Variants in ZNF534 observed in about 807,000 individuals in gnomAD.
ZNF534 encodes the protein KRAB domain only 3.
ZNF534 carries 19 observed loss-of-function variants against 13.6 expected under a neutral mutation model. The observed-to-expected ratio is 1.40, with a 90% CI of 0.97 to 2.05. The LOEUF (loss-of-function observed/expected upper bound fraction) is 2.05, where lower values mean the gene tolerates loss of function less well. Among genes scored for constraint, ZNF534 ranks in the 30% most tolerant of loss-of-function variants. The pLI, the probability that ZNF534 is intolerant of heterozygous loss-of-function variation, is 0.00. For missense variants in ZNF534, 782 were observed against 796.3 expected, an observed-to-expected ratio of 0.98 and a Z score of 0.22; for synonymous variants, 244 against 273.8, an observed-to-expected ratio of 0.89 and a Z score of 1.07.
intron 1 of ZNF534, 111 bp downstream of exon 1, chr19:52,429,355 A>T (rs1386014009): frequency 6.6e-6 from 1 of 151,632 alleles, no homozygotes; most frequent in Non-Finnish European, 1.5e-5. Context: ...CGCTCTATCC[A>T]CTCCAAGTAA....
chr19:52,434,093 G>A lies in ZNF534; in HGVS notation c.142+12G>A, dbSNP rs1372980990. 1.9e-6 allele frequency: 3 copies of A among 1,612,158 alleles called. No individual in the cohort carries two copies. The highest frequency in any genetic ancestry group is 4.5e-5 in the East Asian group (2 of 44,862). On this transcript the variant is annotated intron_variant, in intron 3 of 4. Coordinates refer to ENST00000433050, the MANE Select transcript of ZNF534 (RefSeq NM_001143938.3). Reference sequence around the variant, plus strand: ...CCTGGTCTCCCTAGGTGAGGATAATGTCCGTCCAGAAGCCTGCATCTGCTC... The same window carrying A: ...CCTGGTCTCCCTAGGTGAGGATAATATCCGTCCAGAAGCCTGCATCTGCTC...
intron 2 of ZNF534, among the ~76,000 whole-genome samples, chr19:52,433,212 C>A (rs1216508689): frequency 8.6e-6 from 1 of 116,542 alleles, no homozygotes; most frequent in African/African-American, 3.3e-5. Flanking sequence ...GCACTCCAGT[C>A]TGGGAAACAG....
chr19:52,437,241 C>T (rs1306298308), intron 4 of ZNF534, among the ~76,000 whole-genome samples: 4 of 152,170 alleles, frequency 2.6e-5, no homozygotes, highest in South Asian at 2.1e-4. Flanking sequence ...TCCCTTAATT[C>T]CCCTGACTCC....
At chr19:52,436,083 C>T (rs900321500) in intron 4 of ZNF534, among the ~76,000 whole-genome samples, 1 of 151,564 alleles carries the variant, frequency 6.6e-6, no homozygotes, top group African/African-American at 2.4e-5. Context: ...ACTACAGGCT[C>T]CCGCCACCAT....
At chr19:52,432,031 G>A (rs1349983382) in intron 2 of ZNF534, among the ~76,000 whole-genome samples, 1 of 151,468 alleles carries the variant, frequency 6.6e-6, no homozygotes, top group African/African-American at 2.4e-5. Flanking sequence ...CAAACCTATA[G>A]TTTTTATAAA....
downstream of ZNF534, among the ~76,000 whole-genome samples, chr19:52,443,918 T>A (rs146434941): frequency 1.8e-4 from 27 of 152,146 alleles, 1 homozygote; most frequent in East Asian, 5.2e-3. Flanking sequence ...CTGAAATTTC[T>A]CCCCTCATTT....
rs112933256 is a variant in ZNF534 at position 52,449,354 on chromosome 19, T to TTCTCTCTC, written c.272-1817_272-1810dup. 7.8e-3 allele frequency among the ~76,000 whole-genome samples: 1,149 copies of TTCTCTCTC among 146,592 alleles called. 14 individuals are homozygous for TTCTCTCTC. The highest frequency in any genetic ancestry group is 0.028 in the African/African-American group (1,110 of 39,988). ...TTTGATATCCGGATTTCCATCCTCATTCTCTCTCTCTCTCTCTCTCTCTTT... is the reference window on the plus strand; with the variant it reads ...TTTGATATCCGGATTTCCATCCTCATTCTCTCTCTCTCTCTCTCTCTCTCTCTCTCTTT... On this transcript the variant is annotated intron_variant, in intron 4 of 4. Transcript: ENST00000301085.
chr19:52,439,873 A>G lies in ZNF534; in HGVS notation c.*427A>G, dbSNP rs1344259886. ...CACCTGAGGTTAGAAGTTCGAGACC[A>G]GCCTGACCAACATGGAGAAACCCCA... is the stretch of plus-strand genomic sequence containing the variant. On this transcript the variant is annotated 3_prime_UTR_variant, in exon 5 of 5. Transcript: ENST00000433050. Among the ~76,000 whole-genome samples, 1 of 152,130 alleles carries G rather than the reference A, an allele frequency of 6.6e-6. No homozygotes were observed. Among genetic ancestry groups the G allele is most frequent in the Non-Finnish European group, 1.5e-5 (1 of 68,028 alleles).
chr19:52,451,524 G>A (rs370705158), exon 5 of ZNF534: 2 of 597,850 alleles, frequency 3.3e-6, no homozygotes, highest in South Asian at 4.1e-5. Flanking sequence ...CCCAGCCAGC[G>A]GGCCCAGCCC....
At chr19:52,433,086 T>TA (rs985376298) in intron 2 of ZNF534, among the ~76,000 whole-genome samples, 7 of 151,394 alleles carry the variant, frequency 4.6e-5, no homozygotes, top group Admixed American at 4.6e-4. Flanking sequence ...CTACAAAACA[T>TA]ACAAAAATTA....
At chr19:52,443,714 C>T (rs2059184601), downstream of ZNF534, among the ~76,000 whole-genome samples, 1 of 151,068 alleles carries the variant, frequency 6.6e-6, no homozygotes, top group Admixed American at 6.6e-5. Context: ...TGCGCCATTG[C>T]ACTCCAGCCT....
intron 1 of ZNF534, among the ~76,000 whole-genome samples, chr19:52,429,592 CT>C (rs112310318): frequency 0.12 from 17,113 of 137,792 alleles, 1,028 homozygotes; most frequent in East Asian, 0.25. Context: ...ACTTAATAGT[CT>C]TTTTTTTTTT....
chr19:52,435,274 T>A, intron 4 of ZNF534, 65 bp downstream of exon 4: 2 of 1,512,930 alleles, frequency 1.3e-6, no homozygotes, highest in East Asian at 4.5e-5. Context: ...GGTCTCACTC[T>A]GTCATCCAGG....
At chr19:52,447,179 G>C (rs2608540), downstream of ZNF534, among the ~76,000 whole-genome samples, 144,941 of 152,286 alleles carry the variant, frequency 0.95, 69,236 homozygotes, top group African/African-American at 0.98. Context: ...AGGACAAAAT[G>C]TCATCTCAAG....
At position 52,433,910 on chromosome 19, in the gene ZNF534, G is replaced by A. The variant is rs1009044119; in HGVS notation, c.16-45G>A. On this transcript the variant is annotated intron_variant, in intron 2 of 4. Transcript: ENST00000433050. The stretch of plus-strand genomic sequence containing the variant: ...GTCTTCTCATTCTGTTTGAAGATAA[G>A]TACTCTCTCCATACCCTGTTTTTGA... 4 of 1,610,002 alleles carry A rather than the reference G, an allele frequency of 2.5e-6. No homozygotes were observed. The African/African-American group carries it at 4.0e-5, about 16-fold the overall frequency.
intron 3 of ZNF534, among the ~76,000 whole-genome samples, chr19:52,434,358 G>A (rs1307952742): frequency 6.6e-6 from 1 of 150,790 alleles, no homozygotes; most frequent in Non-Finnish European, 1.5e-5. Context: ...CCAGCTACTC[G>A]GGAGGCTGAG....
chr19:52,434,275 C>T (rs779804284), intron 3 of ZNF534, among the ~76,000 whole-genome samples, 194 bp downstream of exon 3: 6 of 151,798 alleles, frequency 4.0e-5, no homozygotes, highest in Non-Finnish European at 8.8e-5. Flanking sequence ...GCAAATGGTT[C>T]ACGAGGTCAG....
At position 52,452,140 on chromosome 19, in the gene ZNF534, CTTTG is replaced by C. The variant is rs1568451542; in HGVS notation, c.*647_*650del. 4 of 162,158 alleles carry C rather than the reference CTTTG, an allele frequency of 2.5e-5. No homozygotes were observed. In the South Asian group the frequency reaches 5.1e-4, roughly 21 times the overall value. 10.0% of individuals were successfully genotyped at this position (162,158 alleles called of 1,614,324 possible). A position where few individuals can be genotyped will look rare whatever the true frequency, so the allele number is the denominator to read the frequency against. On this transcript the variant is annotated 3_prime_UTR_variant, in exon 5 of 5. Transcript: ENST00000301085. ...TCTTTGTGTTTGGATCACAAAGAAA[CTTTG>C]TTTTTCTGCAGTTGATGGTTATTTG... is the stretch of plus-strand genomic sequence containing the variant.
intron 2 of ZNF534, among the ~76,000 whole-genome samples, chr19:52,433,653 G>A (rs139845504): frequency 0.011 from 1,738 of 152,268 alleles, 13 homozygotes; most frequent in Non-Finnish European, 0.013. Flanking sequence ...GGCATGAGCC[G>A]CCGTGCCCGG....
Sources: gnomAD v4.1 joint callset for allele counts (sites outside exome capture counted in the v4.1 genomes callset) on GRCh38, gnomAD v4.1.1 for gene constraint, MANE v1.5 for transcripts, NCBI Gene and HGNC (gene_info 2026-07-23, HGNC 2026-07-21) for gene names.